The following TACR1 variants were observed in gnomAD, a reference collection of about 807,000 sequenced individuals.
The protein encoded by TACR1 is tachykinin receptor 1, also known as substance-P receptor.
TACR1 carries 25 observed loss-of-function variants against 35.8 expected under a neutral mutation model. The observed-to-expected ratio is 0.70, with a 90% CI of 0.51 to 0.98. TACR1 has a LOEUF of 0.98. TACR1 is among the 50% of genes least tolerant of loss of function. TACR1 has a pLI of 0.00. For synonymous variants in TACR1, 195 were observed against 206.7 expected (o/e 0.94, Z 0.48); for missense variants, 478 against 522.9 (o/e 0.91, Z 0.84).
At chr2:75,149,788 T>A (rs1339061687) in intron 1 of TACR1, among the ~76,000 whole-genome samples, 1 of 151,996 alleles carries the variant, frequency 6.6e-6, no homozygotes, top group Non-Finnish European at 1.5e-5. Flanking sequence ...TGAATAGGAG[T>A]GGTGAGAGAG....
rs1176919257 is a variant in TACR1, at chr2:75,198,771, C to T, written c.164G>A (p.Trp55Ter). ...TSVVGNVVVMWIILAHKRMRT... is the reference protein window; with the variant it reads ...TSVVGNVVVM ...CATTCTTTTGTGGGCTAAGATGATC[C>T]ACATCACTACCACGTTGCCCACCAC... The change falls in exon 1 of 5, where the codon TGG (tryptophan) becomes TAG (stop). Residue 55 changes from tryptophan (W) to a stop codon, truncating the protein, a stop_gained. Transcript: ENST00000305249. LOFTEE classifies it high-confidence loss of function. The T allele has an allele frequency of 6.2e-7, 1 of 1,614,036 alleles. No individual in the cohort carries two copies. Among genetic ancestry groups the T allele is most frequent in the African/African-American group, 1.3e-5 (1 of 74,914 alleles).
chr2:75,096,203 C>G (rs1673422561), intron 2 of TACR1, among the ~76,000 whole-genome samples: 1 of 152,306 alleles, frequency 6.6e-6, no homozygotes, highest in Middle Eastern at 3.4e-3. Flanking sequence ...CCTCTGGATA[C>G]CAGCCTTTGG....
intron 1 of TACR1, among the ~76,000 whole-genome samples, chr2:75,153,730 A>G (rs1226805249): frequency 6.6e-6 from 1 of 152,190 alleles, no homozygotes; most frequent in Non-Finnish European, 1.5e-5. Context: ...AACCCTTTTA[A>G]GTTGTGAAGA....
chr2:75,172,390 A>C (rs1251140658), intron 1 of TACR1, among the ~76,000 whole-genome samples: 1 of 152,226 alleles, frequency 6.6e-6, no homozygotes, highest in African/African-American at 2.4e-5. Context: ...GTTTCTCTGT[A>C]AGAAAGAATA....
At chr2:75,083,178 A>G (rs1008168680) in intron 2 of TACR1, among the ~76,000 whole-genome samples, 4 of 152,234 alleles carry the variant, frequency 2.6e-5, no homozygotes, top group Non-Finnish European at 5.9e-5. Context: ...TTTGTTAAAT[A>G]GGGAATCCTT....
chr2:75,102,881 C>T (rs771213554), intron 2 of TACR1, among the ~76,000 whole-genome samples: 30 of 151,950 alleles, frequency 2.0e-4, no homozygotes, highest in Non-Finnish European at 4.1e-4. Flanking sequence ...AACTAATAAA[C>T]TGGTGATTAT....
chr2:75,075,923 A>G (rs1184605324), intron 2 of TACR1, among the ~76,000 whole-genome samples: 2 of 152,256 alleles, frequency 1.3e-5, no homozygotes, highest in African/African-American at 4.8e-5. Flanking sequence ...CCATAAAGCT[A>G]TAACTTGTTT....
intron 2 of TACR1, among the ~76,000 whole-genome samples, chr2:75,104,059 T>C (rs1462890107): frequency 6.6e-6 from 1 of 152,056 alleles, no homozygotes; most frequent in East Asian, 1.9e-4. Context: ...TACCTATCCA[T>C]AATTACCTTG....
At chr2:75,170,665 C>T (rs1381123930) in intron 1 of TACR1, among the ~76,000 whole-genome samples, 1 of 152,190 alleles carries the variant, frequency 6.6e-6, no homozygotes, top group Non-Finnish European at 1.5e-5. Context: ...CAATAAAGTC[C>T]AGGCTGAGGT....
chr2:75,136,923 A>G (rs916614457), intron 1 of TACR1, among the ~76,000 whole-genome samples: 1 of 152,178 alleles, frequency 6.6e-6, no homozygotes, highest in African/African-American at 2.4e-5. Context: ...TAGACTACCT[A>G]GGAGATCTGT....
At chr2:75,093,934 G>A (rs984559144) in intron 2 of TACR1, among the ~76,000 whole-genome samples, 2 of 151,888 alleles carry the variant, frequency 1.3e-5, no homozygotes, top group Non-Finnish European at 2.9e-5. Context: ...GAGGAAACAG[G>A]CCCACAGAGA....
chr2:75,140,639 C>T (rs1288163876), intron 1 of TACR1, among the ~76,000 whole-genome samples: 1 of 152,200 alleles, frequency 6.6e-6, no homozygotes, highest in Non-Finnish European at 1.5e-5. Context: ...CTAATCTTCT[C>T]CATCATCATT....
intron 1 of TACR1, among the ~76,000 whole-genome samples, chr2:75,180,771 T>C (rs72809333): frequency 0.04 from 6,113 of 152,280 alleles, 177 homozygotes; most frequent in Non-Finnish European, 0.063. Flanking sequence ...ATTCACTAAA[T>C]GCTCCAAACT....
chr2:75,158,559 G>A (rs1029044966), intron 1 of TACR1, among the ~76,000 whole-genome samples: 1 of 152,150 alleles, frequency 6.6e-6, no homozygotes, highest in African/African-American at 2.4e-5. Flanking sequence ...TAGCAGCAGG[G>A]TTAAAAGTTG....
At chr2:75,084,089 G>C (rs1452058290) in intron 2 of TACR1, among the ~76,000 whole-genome samples, 2 of 152,146 alleles carry the variant, frequency 1.3e-5, no homozygotes, top group Non-Finnish European at 2.9e-5. Flanking sequence ...TTATTATTTT[G>C]AGATATGTCC....
chr2:75,124,816 G>A (rs1674041537), intron 1 of TACR1, among the ~76,000 whole-genome samples: 1 of 152,210 alleles, frequency 6.6e-6, no homozygotes, highest in Admixed American at 6.5e-5. Context: ...GCGAAGAGCA[G>A]GAGGAATTAG....
rs17010885 is a variant in TACR1, at chr2:75,199,087, G to A, written c.-153C>T. On this transcript the variant is annotated 5_prime_UTR_variant, in exon 1 of 5. Coordinates refer to ENST00000305249, the MANE Select transcript of TACR1 (RefSeq NM_001058.4). ...CAGCACTCTTTTTGAAAGCTGAACT[G>A]GCGCTCAGAATATAAACGCTTCTGG... 113 of 951,688 alleles carry A rather than the reference G, an allele frequency of 1.2e-4. No individual in the cohort carries two copies. Among genetic ancestry groups the A allele is most frequent in the Non-Finnish European group, 1.6e-4 (106 of 650,630 alleles). The allele number at this position is 951,688 out of a possible 1,614,324, so 59.0% of individuals were successfully genotyped here. A position where few individuals can be genotyped will look rare whatever the true frequency, so the allele number is the denominator to read the frequency against.
At chr2:75,183,240 A>G (rs1346502919) in intron 1 of TACR1, among the ~76,000 whole-genome samples, 1 of 152,230 alleles carries the variant, frequency 6.6e-6, no homozygotes, top group Non-Finnish European at 1.5e-5. Flanking sequence ...TAGAGGCACA[A>G]AGTAAGATTT....
chr2:75,131,733 GT>G (rs955912089), intron 1 of TACR1, among the ~76,000 whole-genome samples: 19 of 152,188 alleles, frequency 1.2e-4, no homozygotes, highest in African/African-American at 4.6e-4. Context: ...TTTTGGGTGT[GT>G]TTTTGTATGA....
Sources: gnomAD v4.1 joint callset for allele counts (sites outside exome capture counted in the v4.1 genomes callset) on GRCh38, gnomAD v4.1.1 for gene constraint, MANE v1.5 for transcripts, NCBI Gene and HGNC (gene_info 2026-07-23, HGNC 2026-07-21) for gene names.